CHODL: variants seen among roughly 807,000 people sequenced by gnomAD.
CHODL encodes the protein chondrolectin.
In CHODL, 29 loss-of-function variants were observed where a neutral mutation model predicts 34.5. That is an observed-to-expected ratio of 0.84 (90% CI 0.63 to 1.15). CHODL has a LOEUF of 1.15. Among genes scored for constraint, CHODL ranks in the 50% most tolerant of loss-of-function variants. The pLI is 0.00. For synonymous variants in CHODL, 125 were observed against 116.1 expected (o/e 1.08, Z -0.49); for missense variants, 332 against 332.5 (o/e 1.00, Z 0.01).
At chr21:17,947,849 A>G (rs1379966500) in intron 1 of CHODL, among the ~76,000 whole-genome samples, 1 of 152,136 alleles carries the variant, frequency 6.6e-6, no homozygotes, top group African/African-American at 2.4e-5. Context: ...CCGTGCCTCC[A>G]CTCATATATT....
chr21:18,185,908 AC>A (rs1482771461), intron 2 of CHODL, among the ~76,000 whole-genome samples: 3 of 152,010 alleles, frequency 2.0e-5, no homozygotes, highest in African/African-American at 4.8e-5. Flanking sequence ...TGAGTGTGTA[AC>A]CCTAATGACT....
In CHODL at chr21:18,097,220, A is replaced by G. The variant is rs528895730; in HGVS notation, c.-45+69249A>G. Among the ~76,000 whole-genome samples, 4 of 152,302 alleles carry G rather than the reference A, an allele frequency of 2.6e-5. 1 individual carries two copies. In the East Asian group the frequency reaches 7.7e-4, roughly 29 times the overall value. On this transcript the variant is annotated intron_variant, in intron 2 of 6. Transcript: ENST00000400127. Reference sequence around the variant, plus strand: ...TAAGACAGTACTGGAAGTCTTAGCTAGAACAATCAGACAAGAGAAAGGAAT... The same window carrying G: ...TAAGACAGTACTGGAAGTCTTAGCTGGAACAATCAGACAAGAGAAAGGAAT...
chr21:18,105,252 G>GC (rs1289662716), intron 2 of CHODL, among the ~76,000 whole-genome samples: 59 of 152,300 alleles, frequency 3.9e-4, no homozygotes, highest in African/African-American at 1.3e-3. Context: ...AAGAGTAGGG[G>GC]GTGAGGCAGA....
At chr21:18,049,640 G>A (rs2064488329) in intron 2 of CHODL, among the ~76,000 whole-genome samples, 1 of 151,920 alleles carries the variant, frequency 6.6e-6, no homozygotes, top group South Asian at 2.1e-4. Context: ...CTCCTTGGCT[G>A]GCAGATGGCT....
intron 2 of CHODL, among the ~76,000 whole-genome samples, chr21:18,164,192 A>G (rs1379705439): frequency 6.6e-6 from 1 of 152,198 alleles, no homozygotes; most frequent in Non-Finnish European, 1.5e-5. Flanking sequence ...AGGGCCAAAC[A>G]AAAGGGCTTG....
intron 1 of CHODL, among the ~76,000 whole-genome samples, chr21:17,962,683 C>G (rs765292380): frequency 5.3e-5 from 8 of 152,058 alleles, no homozygotes; most frequent in Non-Finnish European, 1.0e-4. Flanking sequence ...TATTCTTTTC[C>G]CTACAATATA....
chr21:18,006,715 G>A (rs2063964761), intron 1 of CHODL, among the ~76,000 whole-genome samples: 1 of 152,164 alleles, frequency 6.6e-6, no homozygotes, highest in Non-Finnish European at 1.5e-5. Context: ...TCTTTCTATT[G>A]AGAAATATCT....
In CHODL at chr21:17,995,191, G is replaced by A. The variant is rs576183828; in HGVS notation, c.-144-32681G>A. ...CAGGATATGGTCTGGTGGGGACTGG[G>A]CTCTCAAAATGGTGCCGTGCTGTAG... On this transcript the variant is annotated intron_variant, in intron 1 of 6. Transcript: ENST00000400127. Among the ~76,000 whole-genome samples, 7 of 152,208 alleles carry A rather than the reference G, an allele frequency of 4.6e-5. No homozygotes were observed. In the South Asian group the frequency reaches 1.5e-3, roughly 32 times the overall value.
chr21:17,992,438 T>TGAGCATG (rs1373771089), intron 1 of CHODL, among the ~76,000 whole-genome samples: 2 of 152,172 alleles, frequency 1.3e-5, no homozygotes, highest in African/African-American at 4.8e-5. Flanking sequence ...TTCCAATCCA[T>TGAGCATG]GAGCATGGGG....
chr21:17,963,783 C>G (rs2063551250), intron 1 of CHODL, among the ~76,000 whole-genome samples: 1 of 151,704 alleles, frequency 6.6e-6, no homozygotes, highest in African/African-American at 2.4e-5. Context: ...TCTCTATTAT[C>G]TAGCTGAAGG....
chr21:18,159,539 A>T (rs1429204227), intron 2 of CHODL, among the ~76,000 whole-genome samples: 2 of 152,204 alleles, frequency 1.3e-5, no homozygotes, highest in Admixed American at 1.3e-4. Context: ...AAAGAATTTA[A>T]AAACAAGCTG....
At chr21:18,160,406 G>A (rs939503553) in intron 2 of CHODL, among the ~76,000 whole-genome samples, 4 of 151,938 alleles carry the variant, frequency 2.6e-5, no homozygotes, top group Admixed American at 1.3e-4. Context: ...CTTGTGTCAT[G>A]GGGGTTTGTT....
chr21:18,157,353 C>T (rs2073046599), intron 2 of CHODL, among the ~76,000 whole-genome samples: 1 of 152,120 alleles, frequency 6.6e-6, no homozygotes, highest in Non-Finnish European at 1.5e-5. Context: ...GGTAACTATA[C>T]AGAAAAACAT....
At chr21:18,206,333 A>G (rs1296208641) in intron 2 of CHODL, among the ~76,000 whole-genome samples, 1 of 152,178 alleles carries the variant, frequency 6.6e-6, no homozygotes, top group Non-Finnish European at 1.5e-5. Context: ...AGGTACATAT[A>G]TATTTACAAT....
At chr21:18,191,011 T>G (rs1304378025) in intron 2 of CHODL, among the ~76,000 whole-genome samples, 1 of 152,130 alleles carries the variant, frequency 6.6e-6, no homozygotes, top group Non-Finnish European at 1.5e-5. Flanking sequence ...CTCCATGAGA[T>G]ATTTGTGTCA....
chr21:17,923,193 T>G (rs758793576), intron 1 of CHODL, among the ~76,000 whole-genome samples: 6 of 152,110 alleles, frequency 3.9e-5, no homozygotes, highest in Non-Finnish European at 7.4e-5. Flanking sequence ...TCCCTTTAGC[T>G]TAGTGATTTG....
At chr21:18,034,202 T>G (rs1048954257) in intron 2 of CHODL, among the ~76,000 whole-genome samples, 1 of 152,054 alleles carries the variant, frequency 6.6e-6, no homozygotes, top group African/African-American at 2.4e-5. Context: ...ATGGAAATGT[T>G]AGGAAACAAA....
intron 2 of CHODL, among the ~76,000 whole-genome samples, chr21:18,050,089 A>G (rs1018569440): frequency 2.0e-5 from 3 of 152,092 alleles, no homozygotes; most frequent in Admixed American, 1.3e-4. Context: ...AGGCAGTGAA[A>G]AGAGTATGTG....
At chr21:17,940,940 TG>T (rs1260464846) in intron 1 of CHODL, among the ~76,000 whole-genome samples, 31 of 152,344 alleles carry the variant, frequency 2.0e-4, no homozygotes, top group South Asian at 1.9e-3. Context: ...TGAACATCTA[TG>T]GTAATAGAAA....
Sources: allele counts gnomAD v4.1 joint callset (sites outside exome capture counted in the v4.1 genomes callset), GRCh38; gene constraint gnomAD v4.1.1; transcripts MANE v1.5; gene names NCBI Gene and HGNC (gene_info 2026-07-23, HGNC 2026-07-21).